The following ARHGAP40 variants were observed in gnomAD, a reference collection of about 807,000 sequenced individuals.
ARHGAP40 encodes the protein Rho GTPase activating protein 40.
In ARHGAP40, 43 loss-of-function variants were observed where a neutral mutation model predicts 73.5. That is an observed-to-expected ratio of 0.58 (90% CI 0.46 to 0.75). ARHGAP40 has a LOEUF of 0.75. ARHGAP40 is among the 30% of genes least tolerant of loss of function. The probability of loss-of-function intolerance (pLI) is 0.00; values close to 1 mark genes in which losing one functional copy is unlikely to be tolerated. For synonymous variants in ARHGAP40, 300 were observed against 352.8 expected, an observed-to-expected ratio of 0.85 and a Z score of 1.68; for missense variants, 734 against 861.8, an observed-to-expected ratio of 0.85 and a Z score of 1.86.
At chr20:38,649,554 A>G (rs220523) in intron 14 of ARHGAP40, among the ~76,000 whole-genome samples, 149,199 of 152,312 alleles carry the variant, frequency 0.98, 73,079 homozygotes, top group East Asian at 1. Flanking sequence ...TGGGCTTCCC[A>G]GGGGAAAGGG....
intron 5 of ARHGAP40, among the ~76,000 whole-genome samples, chr20:38,633,677 C>T (rs1202435733): frequency 6.6e-6 from 1 of 152,218 alleles, no homozygotes; most frequent in East Asian, 1.9e-4. Flanking sequence ...TTTGAGCACT[C>T]GAAAGGGGCA....
intron 1 of ARHGAP40, chr20:38,614,883 C>G: frequency 7.9e-7 from 1 of 1,267,958 alleles, no homozygotes; most frequent in African/African-American, 1.5e-5. Flanking sequence ...CGTCACATCC[C>G]CCAGCAAGCT....
At chr20:38,629,676 T>C in intron 5 of ARHGAP40, 26 bp downstream of exon 5, 1 of 1,303,676 alleles carries the variant, frequency 7.7e-7, no homozygotes, top group Non-Finnish European at 1.0e-6. Flanking sequence ...ACAGGGCTGG[T>C]TGGCTAGGTC....
exon 6 of ARHGAP40, chr20:38,634,668 T>G: frequency 1.5e-6 from 2 of 1,305,428 alleles, no homozygotes; most frequent in Non-Finnish European, 2.0e-6. Flanking sequence ...GATAGGAGAC[T>G]TGTCCCTGCA....
exon 4 of ARHGAP40, chr20:38,628,965 G>A: frequency 7.7e-7 from 1 of 1,304,976 alleles, no homozygotes; most frequent in Non-Finnish European, 1.0e-6. Flanking sequence ...GTATGAAGGG[G>A]GCCCAGCTCA....
At chr20:38,620,807 C>T (rs1322028653) in intron 1 of ARHGAP40, among the ~76,000 whole-genome samples, 1 of 152,214 alleles carries the variant, frequency 6.6e-6, no homozygotes, top group African/African-American at 2.4e-5. Context: ...TGCTTTACCA[C>T]ATTTTGAGTC....
chr20:38,648,088 A>G (rs1345398683), intron 13 of ARHGAP40, among the ~76,000 whole-genome samples: 2 of 152,206 alleles, frequency 1.3e-5, no homozygotes, highest in Non-Finnish European at 2.9e-5. Context: ...TGTCATCTTC[A>G]GCAAGTATCT....
rs891901218 is a variant in ARHGAP40 at position 38,646,417 on chromosome 20, C to T, written c.1710+230C>T. On this transcript the variant is annotated intron_variant, in intron 12 of 14. Coordinates refer to ENST00000373345, the Ensembl canonical transcript of ARHGAP40. This position sits in a 1 kb window ranked among gnomAD's most constrained non-coding sequence, Gnocchi z 4.5. ...GAAATGGAGTGACTCGGAGACTTCC[C>T]CTAGAAACCGTCACCGCCGCCCCAT... is the stretch of plus-strand genomic sequence containing the variant. Among the ~76,000 whole-genome samples the T allele has an allele frequency of 2.6e-5, 4 of 152,188 alleles. No individual in the cohort carries two copies. The highest frequency in any genetic ancestry group is 4.4e-5 in the Non-Finnish European group (3 of 68,028).
intron 7 of ARHGAP40, among the ~76,000 whole-genome samples, chr20:38,638,253 T>C (rs2088990599): frequency 6.6e-6 from 1 of 152,050 alleles, no homozygotes; most frequent in Non-Finnish European, 1.5e-5. Flanking sequence ...AGGCGGAGCT[T>C]GCAGTGAGCC....
intron 1 of ARHGAP40, among the ~76,000 whole-genome samples, chr20:38,611,710 T>A (rs553784919): frequency 1.3e-4 from 20 of 152,108 alleles, no homozygotes; most frequent in Non-Finnish European, 2.5e-4. Flanking sequence ...TAGCTGGGAC[T>A]ACAGGCGCCC....
exon 11 of ARHGAP40, chr20:38,643,845 C>A: frequency 7.7e-7 from 1 of 1,305,436 alleles, no homozygotes; most frequent in Non-Finnish European, 1.0e-6. Flanking sequence ...CAAGGAGAAG[C>A]AGCTGGCAGA....
intron 13 of ARHGAP40, 68 bp from the exon 14 acceptor site, chr20:38,648,575 G>T (rs2089068211): frequency 8.1e-7 from 1 of 1,242,052 alleles, no homozygotes. Context: ...GCCATGCACA[G>T]TTGTTGGTCT....
chr20:38,605,273 A>AG (rs1166900092), intron 1 of ARHGAP40, among the ~76,000 whole-genome samples: 1 of 152,202 alleles, frequency 6.6e-6, no homozygotes, highest in East Asian at 1.9e-4. Context: ...GATGGATATG[A>AG]GGGTGTGGGC....
chr20:38,642,813 C>G (rs1239550116), intron 10 of ARHGAP40, among the ~76,000 whole-genome samples: 2 of 152,158 alleles, frequency 1.3e-5, no homozygotes, highest in African/African-American at 2.4e-5. Context: ...ATTCTCCAAG[C>G]TTGTTTCCTT....
chr20:38,639,477 C>G, intron 9 of ARHGAP40, 91 bp downstream of exon 9: 1 of 1,230,712 alleles, frequency 8.1e-7, no homozygotes, highest in Non-Finnish European at 1.1e-6. Flanking sequence ...AGGCAGGACT[C>G]CGTGTTCCTG....
chr20:38,640,770 C>A (rs1475694540), intron 9 of ARHGAP40, among the ~76,000 whole-genome samples: 1 of 152,156 alleles, frequency 6.6e-6, no homozygotes, highest in African/African-American at 2.4e-5. Context: ...CTGAATGGAA[C>A]CTCCCTCCAC....
chr20:38,623,411 C>A, exon 2 of ARHGAP40: 1 of 1,290,858 alleles, frequency 7.7e-7, no homozygotes, highest in Non-Finnish European at 1.0e-6. Context: ...GAATCTCCTG[C>A]GACTACACCC....
intron 2 of ARHGAP40, among the ~76,000 whole-genome samples, chr20:38,625,579 C>T (rs182870127): frequency 2.6e-5 from 4 of 152,172 alleles, no homozygotes; most frequent in East Asian, 1.9e-4. Context: ...CCACCACACC[C>T]GTCTAATTTT....
chr20:38,619,766 A>G (rs1420805846), intron 1 of ARHGAP40, among the ~76,000 whole-genome samples: 1 of 151,384 alleles, frequency 6.6e-6, no homozygotes, highest in East Asian at 1.9e-4. Flanking sequence ...TGGAAACAAT[A>G]GCACCCCTAC....
Sources: allele counts gnomAD v4.1 joint callset (sites outside exome capture counted in the v4.1 genomes callset), GRCh38; gene constraint gnomAD v4.1.1; non-coding constraint Gnocchi (gnomAD v3.1); transcripts MANE v1.5; gene names NCBI Gene and HGNC (gene_info 2026-07-23, HGNC 2026-07-21).